Variants in MBTD1 observed in about 807,000 individuals in gnomAD.
The protein encoded by MBTD1 is MBT domain-containing protein 1.
Under a neutral mutation model 87.8 loss-of-function variants are expected in MBTD1, and 24 were observed. The ratio of observed to expected loss-of-function variants is 0.27; its 90% CI spans 0.20 to 0.38. The LOEUF (loss-of-function observed/expected upper bound fraction) is 0.38, where lower values mean the gene tolerates loss of function less well. Among genes scored for constraint, MBTD1 ranks in the 10% least tolerant of loss-of-function variants. The pLI is 1.00. For synonymous variants in MBTD1, 237 were observed against 248.6 expected (o/e 0.95, Z 0.44); for missense variants, 436 against 760.2 (o/e 0.57, Z 5.02).
At chr17:51,194,876 C>T (rs114403840) in intron 13 of MBTD1, among the ~76,000 whole-genome samples, 2 of 151,908 alleles carry the variant, frequency 1.3e-5, no homozygotes, top group Non-Finnish European at 2.9e-5. Context: ...GGCAACAGAG[C>T]AAGACCCTGT....
intron 16 of MBTD1, chr17:51,185,917 A>T (rs1598277825): frequency 6.6e-6 from 1 of 152,640 alleles, no homozygotes; most frequent in Non-Finnish European, 1.5e-5. Flanking sequence ...AAAAGAAAAA[A>T]AATTCAATGA....
At position 51,249,080 on chromosome 17, in the gene MBTD1, G is replaced by A. The variant is rs544254946; in HGVS notation, c.-49+10063C>T. Reference sequence around the variant, plus strand: ...AGCCTGGGCAACATGGCGAGACTTCGTCTCTACAATAAGCAAAAAAAAAAA... The same window carrying A: ...AGCCTGGGCAACATGGCGAGACTTCATCTCTACAATAAGCAAAAAAAAAAA... On this transcript the variant is annotated intron_variant, in intron 2 of 16. Coordinates refer to ENST00000586178, the MANE Select transcript of MBTD1 (RefSeq NM_017643.3). Among the ~76,000 whole-genome samples, 16 of 147,542 alleles carry A rather than the reference G, an allele frequency of 1.1e-4. No homozygotes were observed. In the East Asian group the frequency reaches 1.8e-3, roughly 17 times the overall value.
chr17:51,201,498 T>C, intron 12 of MBTD1, 94 bp downstream of exon 12: 1 of 727,724 alleles, frequency 1.4e-6, no homozygotes, highest in Non-Finnish European at 2.3e-6. Flanking sequence ...CATACACATT[T>C]TATGTCAAAA....
chr17:51,190,917 C>CA (rs1250824186), intron 16 of MBTD1, among the ~76,000 whole-genome samples: 1 of 151,006 alleles, frequency 6.6e-6, no homozygotes, highest in Non-Finnish European at 1.5e-5. Flanking sequence ...TCTGTCTCTA[C>CA]AAAAAAATAC....
chr17:51,197,051 T>TGGAGGACGG, intron 12 of MBTD1, among the ~76,000 whole-genome samples: 1 of 1,048 alleles, frequency 9.5e-4, no homozygotes, highest in African/African-American at 4.0e-3. Context: ...GATATATATA[T>TGGAGGACGG]ATATATATAT....
At chr17:51,243,767 T>C (rs1167324845) in intron 2 of MBTD1, among the ~76,000 whole-genome samples, 6 of 152,198 alleles carry the variant, frequency 3.9e-5, no homozygotes, top group African/African-American at 1.4e-4. Context: ...TGTCAAGCGA[T>C]CCTCCCACCA....
intron 16 of MBTD1, among the ~76,000 whole-genome samples, chr17:51,191,024 G>A (rs1431405217): frequency 6.6e-6 from 1 of 151,818 alleles, no homozygotes; most frequent in Admixed American, 6.6e-5. Flanking sequence ...GGTTAAGGCT[G>A]TAGTGAGCGG....
At position 51,180,706 on chromosome 17, in the gene MBTD1, A is replaced by C. The variant is rs1284129636; in HGVS notation, c.1769-12T>G. On this transcript the variant is annotated splice_polypyrimidine_tract_variant and intron_variant, in intron 16 of 16. Coordinates refer to ENST00000586178, the MANE Select transcript of MBTD1 (RefSeq NM_017643.3). ...CTGCAGTGTTGTCACTGAATGAAAG[A>C]GAGAGAAACATATGGGCATTAAGGC... 2.8e-6 allele frequency: 4 copies of C among 1,417,650 alleles called. No homozygotes were observed. Among genetic ancestry groups the C allele is most frequent in the Non-Finnish European group, 3.9e-6 (4 of 1,025,042 alleles). 87.8% of individuals were successfully genotyped at this position (1,417,650 alleles called of 1,614,324 possible).
chr17:51,230,081 C>G (rs1457859611), intron 2 of MBTD1, among the ~76,000 whole-genome samples: 3 of 152,188 alleles, frequency 2.0e-5, no homozygotes, highest in Non-Finnish European at 4.4e-5. Context: ...GTCATCTAAC[C>G]TGATTCAGCA....
chr17:51,203,476 G>A lies in MBTD1; in HGVS notation c.740-248C>T, dbSNP rs146345017. Among the ~76,000 whole-genome samples the A allele has an allele frequency of 1.4e-4, 22 of 152,044 alleles. No homozygotes were observed. The East Asian group carries it at 2.9e-3, about 20-fold the overall frequency. ...GTTGCCCAGGCTGGAGTGCAGTGGCGTGATCTTGGCTCACTGCAACCTCCA... is the reference window on the plus strand; with the variant it reads ...GTTGCCCAGGCTGGAGTGCAGTGGCATGATCTTGGCTCACTGCAACCTCCA... On this transcript the variant is annotated intron_variant, in intron 8 of 16. Coordinates refer to ENST00000586178, the MANE Select transcript of MBTD1 (RefSeq NM_017643.3).
intron 6 of MBTD1, among the ~76,000 whole-genome samples, chr17:51,210,725 C>T (rs1290847479): frequency 1.3e-5 from 2 of 151,818 alleles, no homozygotes; most frequent in African/African-American, 4.8e-5. Flanking sequence ...TACTGCACTC[C>T]AGCCTGGGCA....
chr17:51,200,559 CAAAAA>C (rs34253360), intron 12 of MBTD1, among the ~76,000 whole-genome samples: 1 of 62,282 alleles, frequency 1.6e-5, no homozygotes, highest in African/African-American at 7.1e-5. Flanking sequence ...GATACCATCT[CAAAAA>C]AAAAAAAAAA....
chr17:51,232,671 T>TA (rs1195428199), intron 2 of MBTD1, among the ~76,000 whole-genome samples: 4 of 151,960 alleles, frequency 2.6e-5, no homozygotes, highest in African/African-American at 7.2e-5. Context: ...TAAGAATTCT[T>TA]AAAGGAGTGA....
At chr17:51,256,502 A>G (rs1232979843) in intron 2 of MBTD1, 1 of 152,186 alleles carries the variant, frequency 6.6e-6, no homozygotes, top group African/African-American at 2.4e-5. Flanking sequence ...CCCACTGCAG[A>G]CCTACTAAAT....
intron 6 of MBTD1, among the ~76,000 whole-genome samples, chr17:51,216,283 T>C (rs907098834): frequency 7.2e-5 from 11 of 152,206 alleles, no homozygotes; most frequent in African/African-American, 2.7e-4. Flanking sequence ...TCATGTATTT[T>C]CTAAATTCTC....
chr17:51,208,857 A>T (rs1302503250), intron 6 of MBTD1, among the ~76,000 whole-genome samples: 1 of 152,218 alleles, frequency 6.6e-6, no homozygotes, highest in Non-Finnish European at 1.5e-5. Context: ...AGAAAACAAA[A>T]TGTCAATATG....
At chr17:51,214,879 A>G (rs1465464896) in intron 6 of MBTD1, among the ~76,000 whole-genome samples, 4 of 152,196 alleles carry the variant, frequency 2.6e-5, no homozygotes, top group South Asian at 4.1e-4. Context: ...GCTCCTGACT[A>G]TAGGTTTTCT....
At chr17:51,249,002 G>C (rs893947955) in intron 2 of MBTD1, among the ~76,000 whole-genome samples, 1 of 151,966 alleles carries the variant, frequency 6.6e-6, no homozygotes, top group African/African-American at 2.4e-5. Context: ...TATAATCCCA[G>C]CACTATGGGA....
At chr17:51,209,262 T>G (rs1299491947) in intron 6 of MBTD1, 1 of 414,254 alleles carries the variant, frequency 2.4e-6, no homozygotes, top group African/African-American at 2.0e-5. Context: ...AAGTCTGGAT[T>G]GGCATAGCAT....
Sources: allele counts gnomAD v4.1 joint callset (sites outside exome capture counted in the v4.1 genomes callset), GRCh38; gene constraint gnomAD v4.1.1; transcripts MANE v1.5; gene names NCBI Gene and HGNC (gene_info 2026-07-23, HGNC 2026-07-21).